Variants in RNASEH2B observed in about 807,000 individuals in gnomAD.
The protein encoded by RNASEH2B is Aicardi-Goutieres syndrome 2 protein.
RNASEH2B carries 36 observed loss-of-function variants against 45.0 expected under a neutral mutation model. The observed-to-expected ratio is 0.80, with a 90% CI of 0.61 to 1.06. The LOEUF (loss-of-function observed/expected upper bound fraction) is 1.06, where lower values mean the gene tolerates loss of function less well. RNASEH2B is among the 50% of genes least tolerant of loss of function. RNASEH2B has a pLI of 0.00. For missense variants in RNASEH2B, 361 were observed against 360.3 expected (o/e 1.00, Z -0.02); for synonymous variants, 119 against 125.7 (o/e 0.95, Z 0.35).
At chr13:50,960,044 A>G (rs138428777), downstream of RNASEH2B, 404 of 413,538 alleles carry the variant, frequency 9.8e-4, no homozygotes, top group African/African-American at 6.7e-3. Context: ...AATACCTTTC[A>G]CTAATGTTCG....
intron 5 of RNASEH2B, among the ~76,000 whole-genome samples, chr13:50,940,334 A>G (rs1951819043): frequency 6.6e-6 from 1 of 151,912 alleles, no homozygotes; most frequent in Non-Finnish European, 1.5e-5. Flanking sequence ...ATTTTTCCAA[A>G]CTCCTCGATT....
chr13:50,939,417 G>A (rs1329624721), intron 5 of RNASEH2B, among the ~76,000 whole-genome samples: 2 of 152,012 alleles, frequency 1.3e-5, no homozygotes, highest in Non-Finnish European at 2.9e-5. Flanking sequence ...CTATTTGGGA[G>A]GCTGAGGAGG....
At position 50,921,555 on chromosome 13, in the gene RNASEH2B, G is replaced by A. The variant is rs185996132; in HGVS notation, c.65-5852G>A. Among the ~76,000 whole-genome samples, 175 of 152,328 alleles carry A rather than the reference G, an allele frequency of 1.1e-3. 1 individual carries two copies. Among genetic ancestry groups the A allele is most frequent in the Admixed American group, 3.9e-3 (60 of 15,298 alleles). On this transcript the variant is annotated intron_variant, in intron 1 of 10. Coordinates refer to ENST00000336617, the MANE Select transcript of RNASEH2B (RefSeq NM_024570.4). ...ACCCAGGATTTTCTCAGAGTAAATG[G>A]AAAATCTTTAACTTTGATAGAGTTA...
At chr13:50,923,003 A>T (rs1214229411) in intron 1 of RNASEH2B, among the ~76,000 whole-genome samples, 1 of 152,234 alleles carries the variant, frequency 6.6e-6, no homozygotes, top group African/African-American at 2.4e-5. Context: ...AAAGGATCTA[A>T]AGTCTGGATT....
chr13:50,953,359 G>C (rs1328620455), intron 9 of RNASEH2B: 1 of 154,456 alleles, frequency 6.5e-6, no homozygotes, highest in African/African-American at 2.4e-5. Flanking sequence ...CCTCTACTTG[G>C]TGACCTTAAG....
intron 7 of RNASEH2B, 78 bp from the exon 8 acceptor site, chr13:50,947,909 T>C: frequency 6.3e-7 from 1 of 1,593,394 alleles, no homozygotes; most frequent in Non-Finnish European, 8.5e-7. Flanking sequence ...GAATTTGAAT[T>C]CAGGTCAATT....
chr13:50,919,065 G>C (rs1951484260), intron 1 of RNASEH2B, among the ~76,000 whole-genome samples: 1 of 152,188 alleles, frequency 6.6e-6, no homozygotes, highest in South Asian at 2.1e-4. Flanking sequence ...AAATCAGAGA[G>C]GCTCAGGAAC....
intron 4 of RNASEH2B, among the ~76,000 whole-genome samples, chr13:50,932,145 A>G (rs1951688237): frequency 6.6e-6 from 1 of 152,230 alleles, no homozygotes; most frequent in Admixed American, 6.5e-5. Context: ...GTGAAATGAC[A>G]GGCTCACTTC....
intron 1 of RNASEH2B, among the ~76,000 whole-genome samples, chr13:50,920,432 A>G (rs532370708): frequency 6.6e-6 from 1 of 152,364 alleles, no homozygotes; most frequent in Non-Finnish European, 1.5e-5. Context: ...CAGAGAATAT[A>G]GAGACCATGA....
chr13:50,932,134 C>T (rs1049301745), intron 4 of RNASEH2B, among the ~76,000 whole-genome samples: 8 of 152,276 alleles, frequency 5.3e-5, no homozygotes, highest in African/African-American at 1.2e-4. Context: ...CAATCTTTCC[C>T]GTGAAATGAC....
Position 50,909,943 on chromosome 13 carries a change from C to A in RNASEH2B, c.-134C>A. 1 of 638,208 alleles carries A rather than the reference C, an allele frequency of 1.6e-6. No individual in the cohort carries two copies. Among genetic ancestry groups the A allele is most frequent in the South Asian group, 2.3e-5 (1 of 43,116 alleles). The allele number at this position is 638,208 out of a possible 1,614,324, so 39.5% of individuals were successfully genotyped here. On this transcript the variant is annotated 5_prime_UTR_variant, in exon 1 of 11. Coordinates refer to ENST00000336617, the MANE Select transcript of RNASEH2B (RefSeq NM_024570.4). ...ACGAAACGAAATTCGGTCCCTGGGCCTCCTCCCGGGCGCTGCCGGTCCCTC... is the reference window on the plus strand; with the variant it reads ...ACGAAACGAAATTCGGTCCCTGGGCATCCTCCCGGGCGCTGCCGGTCCCTC...
intron 1 of RNASEH2B, among the ~76,000 whole-genome samples, chr13:50,918,893 A>G (rs1343807904): frequency 6.6e-6 from 1 of 152,154 alleles, no homozygotes. Context: ...GAGAGTGATA[A>G]TCTCATCTCT....
At chr13:50,934,586 T>C (rs1951721536) in intron 4 of RNASEH2B, 1 of 407,742 alleles carries the variant, frequency 2.5e-6, no homozygotes, top group Non-Finnish European at 4.6e-6. Flanking sequence ...TCCACCATCT[T>C]TGCAAGCTTC....
chr13:50,918,664 A>G (rs1157290427), intron 1 of RNASEH2B, among the ~76,000 whole-genome samples: 2 of 152,190 alleles, frequency 1.3e-5, no homozygotes, highest in African/African-American at 4.8e-5. Context: ...TATTACTGAA[A>G]TTAGTGTTCC....
At chr13:50,914,770 A>T (rs1419986903) in intron 1 of RNASEH2B, among the ~76,000 whole-genome samples, 2 of 151,950 alleles carry the variant, frequency 1.3e-5, no homozygotes, top group Non-Finnish European at 2.9e-5. Flanking sequence ...AGAACTCATG[A>T]CTCCCACATA....
chr13:50,920,659 G>A (rs1378736365), intron 1 of RNASEH2B, among the ~76,000 whole-genome samples: 2 of 152,214 alleles, frequency 1.3e-5, no homozygotes, highest in African/African-American at 4.8e-5. Context: ...AAGACAAAGT[G>A]TATAGCTACT....
intron 9 of RNASEH2B, among the ~76,000 whole-genome samples, chr13:50,964,320 A>G (rs1952143492): frequency 6.6e-6 from 1 of 152,230 alleles, no homozygotes; most frequent in Non-Finnish European, 1.5e-5. Flanking sequence ...AAACTATGTT[A>G]ATATCCTATT....
At chr13:50,944,954 A>G (rs1041198925) in intron 6 of RNASEH2B, among the ~76,000 whole-genome samples, 2 of 152,206 alleles carry the variant, frequency 1.3e-5, no homozygotes, top group African/African-American at 4.8e-5. Context: ...AATTTATATT[A>G]TTCTATTTAG....
In RNASEH2B at chr13:50,956,423, T is replaced by C. The variant is rs757835049; in HGVS notation, c.888T>C (p.Ser296=). Residue 296 remains serine, a synonymous_variant, in exon 11 of 11, where the codon AGT becomes AGC. Coordinates refer to ENST00000336617, the MANE Select transcript of RNASEH2B (RefSeq NM_024570.4). ...AAGTTGACAAGAGTGGAATGAAAAG[T>C]ATTGATACCTTTTTTGGGGTAAAAA... ...LAKVDKSGMK[S]IDTFFGVKNK... 5.6e-6 allele frequency: 9 copies of C among 1,601,894 alleles called. No individual in the cohort carries two copies. Among genetic ancestry groups the C allele is most frequent in the Non-Finnish European group, 7.7e-6 (9 of 1,172,122 alleles).
Sources: allele counts gnomAD v4.1 joint callset (sites outside exome capture counted in the v4.1 genomes callset), GRCh38; gene constraint gnomAD v4.1.1; transcripts MANE v1.5; gene names NCBI Gene and HGNC (gene_info 2026-07-23, HGNC 2026-07-21).